The following FAM168A variants were observed in gnomAD, a reference collection of about 807,000 sequenced individuals.
FAM168A encodes the protein family with sequence similarity 168 member A.
A neutral mutation model predicts 28.5 loss-of-function variants in FAM168A; 3 were observed. The ratio of observed to expected loss-of-function variants is 0.11; its 90% CI spans 0.05 to 0.27. The LOEUF (loss-of-function observed/expected upper bound fraction) is 0.27, where lower values mean the gene tolerates loss of function less well. FAM168A is among the 10% of genes least tolerant of loss of function. The probability of loss-of-function intolerance (pLI) is 1.00; values close to 1 mark genes in which losing one functional copy is unlikely to be tolerated. For synonymous variants in FAM168A, 122 were observed against 124.2 expected (o/e 0.98, Z 0.12); for missense variants, 222 against 311.5 (o/e 0.71, Z 2.16).
At chr11:73,491,450 G>A (rs1868126914) in intron 1 of FAM168A, among the ~76,000 whole-genome samples, 1 of 152,212 alleles carries the variant, frequency 6.6e-6, no homozygotes, top group Non-Finnish European at 1.5e-5. Flanking sequence ...AATCCAGCTA[G>A]CACAGAGAAG....
chr11:73,432,756 A>G (rs997055841), intron 2 of FAM168A, among the ~76,000 whole-genome samples: 1 of 152,160 alleles, frequency 6.6e-6, no homozygotes, highest in African/African-American at 2.4e-5. Context: ...TACTAAAAAA[A>G]TAACAAAAAT....
intron 1 of FAM168A, among the ~76,000 whole-genome samples, chr11:73,559,015 A>G (rs1943922464): frequency 6.6e-6 from 1 of 152,238 alleles, no homozygotes; most frequent in Non-Finnish European, 1.5e-5. Context: ...GCACCTTCAC[A>G]ATAGCGAAAG....
At chr11:73,411,757 T>A (rs570217371) in intron 4 of FAM168A, among the ~76,000 whole-genome samples, 29 of 152,198 alleles carry the variant, frequency 1.9e-4, no homozygotes, top group African/African-American at 7.0e-4. Flanking sequence ...ATTCTGGGCA[T>A]CTTTTCTTTC....
chr11:73,471,916 G>A (rs1016924567), intron 1 of FAM168A, among the ~76,000 whole-genome samples: 3 of 152,224 alleles, frequency 2.0e-5, no homozygotes, highest in South Asian at 4.2e-4. Context: ...CCATTCCATG[G>A]CCTGCTAGGA....
chr11:73,409,177 C>T lies in FAM168A; in HGVS notation c.595+310G>A, dbSNP rs1041091048. 5.9e-5 allele frequency among the ~76,000 whole-genome samples: 9 copies of T among 152,280 alleles called. No homozygotes were observed. The South Asian group carries it at 8.3e-4, about 14-fold the overall frequency. ...CCTTCCAACTCCAAGCCCCTATTTC[C>T]GAAGGGCCTTGGCTCCATTCCTCCA... On this transcript the variant is annotated intron_variant, in intron 6 of 7. Transcript: ENST00000356467.
chr11:73,491,366 C>G (rs911233610), intron 1 of FAM168A, among the ~76,000 whole-genome samples: 1 of 152,190 alleles, frequency 6.6e-6, no homozygotes, highest in Non-Finnish European at 1.5e-5. Context: ...CCAAAAGACG[C>G]TCTTACAAGG....
At chr11:73,594,780 C>G (rs559152232) in intron 1 of FAM168A, among the ~76,000 whole-genome samples, 2 of 152,280 alleles carry the variant, frequency 1.3e-5, no homozygotes, top group African/African-American at 4.8e-5. Context: ...CCACCCACCT[C>G]GGCCTCCCAA....
intron 1 of FAM168A, among the ~76,000 whole-genome samples, chr11:73,555,716 A>G (rs1590852182): frequency 6.6e-6 from 1 of 152,042 alleles, no homozygotes; most frequent in East Asian, 1.9e-4. Context: ...TCAAAAAAAA[A>G]AAAAGAGAAA....
At chr11:73,495,406 T>C (rs1854852097) in intron 1 of FAM168A, among the ~76,000 whole-genome samples, 1 of 152,088 alleles carries the variant, frequency 6.6e-6, no homozygotes, top group African/African-American at 2.4e-5. Flanking sequence ...TCAAGAACAA[T>C]GCAGTTTGAG....
At chr11:73,453,160 A>G (rs879390415) in intron 2 of FAM168A, among the ~76,000 whole-genome samples, 5 of 152,250 alleles carry the variant, frequency 3.3e-5, no homozygotes, top group East Asian at 1.9e-4. Flanking sequence ...ACTTTGGTAG[A>G]AAAGTTTCCA....
intron 1 of FAM168A, among the ~76,000 whole-genome samples, chr11:73,588,162 A>T (rs1944338225): frequency 6.6e-6 from 1 of 152,076 alleles, no homozygotes. Context: ...AATAAACACC[A>T]TTTTTACTTG....
chr11:73,469,921 GT>G (rs1257122895), intron 1 of FAM168A, among the ~76,000 whole-genome samples: 1 of 151,612 alleles, frequency 6.6e-6, no homozygotes, highest in African/African-American at 2.4e-5. Flanking sequence ...TTTTGTTTTT[GT>G]TTTTTTTGAG....
In FAM168A at chr11:73,400,744, C is replaced by G. The variant is rs1483781279; in HGVS notation, c.*6019G>C. 1 of 152,158 alleles carries G rather than the reference C, an allele frequency of 6.6e-6. No individual in the cohort carries two copies. The highest frequency in any genetic ancestry group is 2.4e-5 in the African/African-American group (1 of 41,440). The allele number at this position is 152,158 out of a possible 1,614,324, so 9.4% of individuals were successfully genotyped here. A position where few individuals can be genotyped will look rare whatever the true frequency, so the allele number is the denominator to read the frequency against. ...AAGGGACTCACTGGCCCAGGACAGT[C>G]CTCTGTGCCTCCCTCCCCAAGAACC... On this transcript the variant is annotated 3_prime_UTR_variant, in exon 8 of 8. Coordinates refer to ENST00000356467, the MANE Select transcript of FAM168A (RefSeq NM_015159.3).
chr11:73,472,837 A>G (rs1163654019), intron 1 of FAM168A, among the ~76,000 whole-genome samples: 1 of 152,182 alleles, frequency 6.6e-6, no homozygotes, highest in Non-Finnish European at 1.5e-5. Flanking sequence ...AATGCCATTT[A>G]CTGGTGAGAA....
intron 1 of FAM168A, among the ~76,000 whole-genome samples, chr11:73,522,611 C>T (rs1943396523): frequency 6.6e-6 from 1 of 151,354 alleles, no homozygotes; most frequent in African/African-American, 2.4e-5. Flanking sequence ...GCTGGGATTA[C>T]AGGTGTGAGC....
chr11:73,486,086 C>T (rs137998041), intron 1 of FAM168A, among the ~76,000 whole-genome samples: 303 of 152,232 alleles, frequency 2.0e-3, no homozygotes, highest in African/African-American at 6.7e-3. Flanking sequence ...TGGGGGAAAA[C>T]GGCCCATTAT....
At chr11:73,421,879 T>A (rs1866799124) in intron 3 of FAM168A, among the ~76,000 whole-genome samples, 2 of 152,250 alleles carry the variant, frequency 1.3e-5, no homozygotes, top group African/African-American at 2.4e-5. Flanking sequence ...TTCTCTTCCA[T>A]TCAAATTTTT....
At chr11:73,560,638 A>G (rs1943947410) in intron 1 of FAM168A, among the ~76,000 whole-genome samples, 1 of 152,238 alleles carries the variant, frequency 6.6e-6, no homozygotes, top group Non-Finnish European at 1.5e-5. Flanking sequence ...ACCTATTAAA[A>G]CAGCTAAATT....
At chr11:73,463,696 GAGA>G (rs1867688126) in intron 2 of FAM168A, among the ~76,000 whole-genome samples, 1 of 152,144 alleles carries the variant, frequency 6.6e-6, no homozygotes, top group South Asian at 2.1e-4. Context: ...GGAACAGCTG[GAGA>G]AGAAGAAAGG....
Sources: allele counts gnomAD v4.1 joint callset (sites outside exome capture counted in the v4.1 genomes callset), GRCh38; gene constraint gnomAD v4.1.1; transcripts MANE v1.5; gene names NCBI Gene and HGNC (gene_info 2026-07-23, HGNC 2026-07-21).